Variants in PXDNL observed in about 807,000 individuals in gnomAD.
PXDNL encodes peroxidasin like.
Under a neutral mutation model 150.8 loss-of-function variants are expected in PXDNL, and 145 were observed. The observed-to-expected ratio is 0.96, with a 90% CI of 0.84 to 1.10. PXDNL has a LOEUF of 1.10. Among genes scored for constraint, PXDNL ranks in the 50% least tolerant of loss-of-function variants. PXDNL has a pLI of 0.00. For missense variants in PXDNL, 2,087 were observed against 1,873.9 expected (o/e 1.11, Z -2.10); for synonymous variants, 757 against 725.7 (o/e 1.04, Z -0.69).
chr8:51,672,205 T>C, intron 1 of PXDNL, among the ~76,000 whole-genome samples: 1 of 152,160 alleles, frequency 6.6e-6, no homozygotes, highest in East Asian at 1.9e-4. Flanking sequence ...GGTCTCGAAC[T>C]CCTGACCTCA....
chr8:51,577,868 A>G (rs193007917), intron 3 of PXDNL, among the ~76,000 whole-genome samples: 150 of 148,884 alleles, frequency 1.0e-3, no homozygotes, highest in Non-Finnish European at 1.9e-3. Flanking sequence ...TAGGCAATGA[A>G]AACAGATTGG....
intron 4 of PXDNL, among the ~76,000 whole-genome samples, chr8:51,544,924 C>A (rs543908708): frequency 6.6e-6 from 1 of 151,920 alleles, no homozygotes; most frequent in Non-Finnish European, 1.5e-5. Flanking sequence ...CAAACATCTC[C>A]GGCACCTTAA....
In PXDNL at chr8:51,408,198, A is replaced by C; in HGVS notation, c.3426T>G (p.Ile1142Met). ...SAAVDSAATIIQRGRDHGIPP... is the reference protein window; with the variant it reads ...SAAVDSAATIMQRGRDHGIPP... The stretch of plus-strand genomic sequence containing the variant: ...GGATCCCGTGGTCTCTACCCCTTTG[A>C]ATGATGGTGGCAGCCGAATCCACGG... Residue 1142 changes from isoleucine (I) to methionine (M), a missense_variant, in exon 17 of 23, where the codon ATT becomes ATG. Transcript: ENST00000356297. 1 of 1,614,014 alleles carries C rather than the reference A, an allele frequency of 6.2e-7. No individual in the cohort carries two copies. Among genetic ancestry groups the C allele is most frequent in the South Asian group, 1.1e-5 (1 of 91,088 alleles).
Position 51,319,953 on chromosome 8 carries a change from C to T in PXDNL, c.4330G>A (p.Gly1444Arg), listed in dbSNP as rs770423376. Residue 1444 changes from glycine (G) to arginine (R), a missense_variant, in exon 23 of 23, where the codon GGA becomes AGA. Physicochemically the swap from Gly to Arg is moderately radical, Grantham distance 125. Transcript: ENST00000356297. ...APCPSPELVK[G>R]TCCPVCRDRG... ...TCTCTGCAAACTGGACAGCAGGTTC[C>T]TTTCACCAATTCAGGACTGGGACAG... is the stretch of plus-strand genomic sequence containing the variant. The T allele has an allele frequency of 3.2e-5, 50 of 1,579,334 alleles. No individual in the cohort carries two copies. Among genetic ancestry groups the T allele is most frequent in the Middle Eastern group, 3.4e-4 (2 of 5,954 alleles).
At chr8:51,457,929 A>G (rs972978085) in intron 8 of PXDNL, among the ~76,000 whole-genome samples, 2 of 152,212 alleles carry the variant, frequency 1.3e-5, no homozygotes, top group African/African-American at 4.8e-5. Context: ...CCTGAGTGGC[A>G]TGAATTTAGA....
At chr8:51,399,588 G>C (rs1307817322) in intron 17 of PXDNL, among the ~76,000 whole-genome samples, 1 of 152,228 alleles carries the variant, frequency 6.6e-6, no homozygotes, top group Admixed American at 6.5e-5. Context: ...AGAGAAGACA[G>C]ACTGCAAAGA....
intron 4 of PXDNL, among the ~76,000 whole-genome samples, chr8:51,520,287 T>C (rs1490111660): frequency 2.0e-5 from 3 of 152,116 alleles, no homozygotes; most frequent in Non-Finnish European, 4.4e-5. Context: ...AACTCTAGCT[T>C]CTGTTTTCCC....
intron 12 of PXDNL, among the ~76,000 whole-genome samples, chr8:51,427,809 T>C (rs1424675984): frequency 6.6e-6 from 1 of 152,182 alleles, no homozygotes; most frequent in Admixed American, 6.5e-5. Context: ...ACTTTTCACA[T>C]AGAAAATAAG....
At chr8:51,330,131 G>A (rs532375741) in intron 21 of PXDNL, among the ~76,000 whole-genome samples, 4 of 152,270 alleles carry the variant, frequency 2.6e-5, no homozygotes, top group Non-Finnish European at 5.9e-5. Context: ...AGGGGCACCT[G>A]CTTTTCTTAG....
intron 15 of PXDNL, among the ~76,000 whole-genome samples, 193 bp downstream of exon 15, chr8:51,412,957 T>G (rs1429449570): frequency 6.6e-6 from 1 of 152,164 alleles, no homozygotes; most frequent in African/African-American, 2.4e-5. Flanking sequence ...GCCATTTAGA[T>G]TCTATGGGGA....
At chr8:51,362,035 A>T (rs1161513266) in intron 19 of PXDNL, among the ~76,000 whole-genome samples, 2 of 151,996 alleles carry the variant, frequency 1.3e-5, no homozygotes, top group Admixed American at 1.3e-4. Context: ...TGATAGGCAA[A>T]AGCTTCTAAA....
intron 4 of PXDNL, among the ~76,000 whole-genome samples, chr8:51,518,728 T>A (rs897250636): frequency 6.6e-6 from 1 of 152,150 alleles, no homozygotes; most frequent in Non-Finnish European, 1.5e-5. Flanking sequence ...AGGGAGAGAA[T>A]CTGATTTCAT....
At chr8:51,786,483 T>C (rs1306742620) in intron 1 of PXDNL, among the ~76,000 whole-genome samples, 2 of 152,034 alleles carry the variant, frequency 1.3e-5, no homozygotes, top group African/African-American at 4.8e-5. Context: ...TGTGGAAAAA[T>C]ATTCTTGAAT....
At chr8:51,721,774 T>C in intron 1 of PXDNL, 1 of 392,314 alleles carries the variant, frequency 2.5e-6, no homozygotes, top group South Asian at 2.3e-5. Flanking sequence ...TGCTTTTCCA[T>C]CTACAGATAG....
intron 1 of PXDNL, among the ~76,000 whole-genome samples, chr8:51,657,563 A>G (rs1182292380): frequency 1.3e-5 from 2 of 152,206 alleles, no homozygotes; most frequent in Non-Finnish European, 2.9e-5. Context: ...AACATTATTT[A>G]CTAACAATAT....
chr8:51,547,958 G>A (rs551416291), intron 4 of PXDNL, among the ~76,000 whole-genome samples: 1 of 152,152 alleles, frequency 6.6e-6, no homozygotes, highest in East Asian at 1.9e-4. Context: ...GAATGAAAAA[G>A]TCTGCAGAGA....
At chr8:51,737,896 C>T (rs1298413366) in intron 1 of PXDNL, among the ~76,000 whole-genome samples, 1 of 152,084 alleles carries the variant, frequency 6.6e-6, no homozygotes, top group Non-Finnish European at 1.5e-5. Context: ...ATTTGTGAAG[C>T]CCCCAATGAT....
intron 17 of PXDNL, among the ~76,000 whole-genome samples, chr8:51,406,119 G>T (rs1270310398): frequency 6.6e-6 from 1 of 152,182 alleles, no homozygotes; most frequent in Non-Finnish European, 1.5e-5. Flanking sequence ...TGATTTAGGA[G>T]GAATTTGGGA....
chr8:51,796,708 G>C (rs991805657), intron 1 of PXDNL, among the ~76,000 whole-genome samples: 1 of 152,168 alleles, frequency 6.6e-6, no homozygotes, highest in African/African-American at 2.4e-5. Flanking sequence ...AAAAAGCCCA[G>C]GACCAGATGG....
Sources: allele counts gnomAD v4.1 joint callset (sites outside exome capture counted in the v4.1 genomes callset), GRCh38; gene constraint gnomAD v4.1.1; transcripts MANE v1.5; gene names NCBI Gene and HGNC (gene_info 2026-07-23, HGNC 2026-07-21).